Variants in VEPH1 observed in about 807,000 individuals in gnomAD.
The protein encoded by VEPH1 is ventricular zone expressed PH domain containing 1, also known as ventricular zone-expressed PH domain-containing protein homolog 1.
VEPH1 carries 80 observed loss-of-function variants against 85.2 expected under a neutral mutation model. The observed-to-expected ratio is 0.94, with a 90% CI of 0.78 to 1.13. The LOEUF is 1.13. VEPH1 is among the 50% of genes most tolerant of loss of function. The pLI, the probability that VEPH1 is intolerant of heterozygous loss-of-function variation, is 0.00. For synonymous variants in VEPH1, 297 were observed against 348.0 expected (o/e 0.85, Z 1.63); for missense variants, 955 against 980.5 (o/e 0.97, Z 0.35).
At chr3:157,466,876 A>G (rs1468447770) in intron 3 of VEPH1, among the ~76,000 whole-genome samples, 1 of 152,242 alleles carries the variant, frequency 6.6e-6, no homozygotes, top group Non-Finnish European at 1.5e-5. Context: ...AAACAAATTC[A>G]CAAGTGCATG....
chr3:157,340,832 G>A (rs926639558), intron 9 of VEPH1, among the ~76,000 whole-genome samples: 1 of 152,234 alleles, frequency 6.6e-6, no homozygotes, highest in African/African-American at 2.4e-5. Flanking sequence ...GAAGCTTCCA[G>A]AGGAACATTC....
intron 2 of VEPH1, among the ~76,000 whole-genome samples, chr3:157,471,677 C>T (rs1052027881): frequency 5.3e-5 from 8 of 150,668 alleles, no homozygotes; most frequent in Non-Finnish European, 7.4e-5. Context: ...GAACTACCCA[C>T]GGTACCTTAT....
chr3:157,409,365 A>T (rs1731367028), intron 6 of VEPH1, among the ~76,000 whole-genome samples: 1 of 152,156 alleles, frequency 6.6e-6, no homozygotes, highest in African/African-American at 2.4e-5. Context: ...GGCATTATAA[A>T]GAACTGGATA....
chr3:157,309,330 TCAGA>T, intron 11 of VEPH1, among the ~76,000 whole-genome samples: 1 of 152,190 alleles, frequency 6.6e-6, no homozygotes, highest in Non-Finnish European at 1.5e-5. Context: ...TCTTTTGTTA[TCAGA>T]CAAATATTTA....
intron 7 of VEPH1, among the ~76,000 whole-genome samples, chr3:157,369,179 T>TAAAAAAAAAAAAA (rs1560000948): frequency 2.0e-4 from 3 of 15,054 alleles, no homozygotes; most frequent in African/African-American, 2.6e-4. Flanking sequence ...AAAAACCAAA[T>TAAAAAAAAAAAAA]GAAAAAAAAA....
chr3:157,372,751 T>G (rs1407236546), intron 7 of VEPH1, among the ~76,000 whole-genome samples: 1 of 152,174 alleles, frequency 6.6e-6, no homozygotes, highest in Non-Finnish European at 1.5e-5. Context: ...ACCAATATTT[T>G]TGTAAAAATA....
intron 11 of VEPH1, among the ~76,000 whole-genome samples, chr3:157,295,204 A>G (rs1482037780): frequency 6.6e-6 from 1 of 152,192 alleles, no homozygotes; most frequent in Non-Finnish European, 1.5e-5. Flanking sequence ...ATTTGTTGCT[A>G]AGTAAATAAT....
At chr3:157,489,223 G>T (rs1470461278) in intron 2 of VEPH1, 4 of 455,708 alleles carry the variant, frequency 8.8e-6, no homozygotes, top group Non-Finnish European at 1.3e-5. Context: ...CTCTCCAGTG[G>T]CTGCCCAAGA....
chr3:157,312,347 T>C (rs1001636795), intron 11 of VEPH1, among the ~76,000 whole-genome samples: 2 of 152,166 alleles, frequency 1.3e-5, no homozygotes, highest in African/African-American at 2.4e-5. Context: ...TAATAACCAT[T>C]CTTTTCTCTC....
At chr3:157,457,637 G>A (rs1292664758) in intron 4 of VEPH1, among the ~76,000 whole-genome samples, 3 of 151,620 alleles carry the variant, frequency 2.0e-5, no homozygotes, top group Non-Finnish European at 4.4e-5. Flanking sequence ...TATTGGATTT[G>A]TCTTTAGTTG....
chr3:157,287,529 A>G (rs1716931949), intron 11 of VEPH1, among the ~76,000 whole-genome samples: 2 of 152,038 alleles, frequency 1.3e-5, no homozygotes, highest in Admixed American at 6.6e-5. Context: ...GCATTCTATT[A>G]CATAATATAA....
intron 4 of VEPH1, among the ~76,000 whole-genome samples, chr3:157,458,386 G>T (rs753497005): frequency 6.6e-6 from 1 of 152,026 alleles, no homozygotes; most frequent in Non-Finnish European, 1.5e-5. Context: ...GTTTCCTCTT[G>T]GTTCTCTAGT....
Position 157,407,404 on chromosome 3 carries a change from G to T in VEPH1, c.906+6477C>A, listed in dbSNP as rs528805832. Among the ~76,000 whole-genome samples the T allele has an allele frequency of 2.6e-4, 39 of 152,196 alleles. No individual in the cohort carries two copies. In the South Asian group the frequency reaches 7.2e-3, roughly 28 times the overall value. ...AAATTATGAAGGTTTACAAAATGAG[G>T]TTTATTATTTTTGTTATCCTTATTT... On this transcript the variant is annotated intron_variant, in intron 6 of 13. Transcript: ENST00000362010.
At chr3:157,492,342 G>A (rs761665375) in intron 2 of VEPH1, among the ~76,000 whole-genome samples, 41 of 152,152 alleles carry the variant, frequency 2.7e-4, no homozygotes, top group Admixed American at 7.9e-4. Context: ...TCAGTACATC[G>A]TGTTTTAATC....
chr3:157,484,676 G>A (rs1463845891), intron 2 of VEPH1, among the ~76,000 whole-genome samples: 2 of 152,074 alleles, frequency 1.3e-5, no homozygotes, highest in African/African-American at 2.4e-5. Flanking sequence ...ATGTAAGATG[G>A]GCATTAAAGT....
intron 2 of VEPH1, among the ~76,000 whole-genome samples, chr3:157,473,298 C>A (rs1360276886): frequency 1.3e-5 from 2 of 151,536 alleles, no homozygotes. Flanking sequence ...GGTCTCAATC[C>A]CCTGACCTCG....
chr3:157,332,932 A>T (rs1288741801), intron 9 of VEPH1, among the ~76,000 whole-genome samples: 6 of 152,188 alleles, frequency 3.9e-5, no homozygotes, highest in Non-Finnish European at 2.9e-5. Context: ...TCACTTTTCC[A>T]GTCACCTGAT....
chr3:157,498,774 A>G (rs1180749882), intron 1 of VEPH1, among the ~76,000 whole-genome samples: 1 of 152,160 alleles, frequency 6.6e-6, no homozygotes, highest in Admixed American at 6.5e-5. Context: ...TTCTTTTTGC[A>G]ATAGCAGGGA....
intron 11 of VEPH1, among the ~76,000 whole-genome samples, chr3:157,297,419 G>A (rs1718267346): frequency 6.6e-6 from 1 of 152,172 alleles, no homozygotes; most frequent in South Asian, 2.1e-4. Flanking sequence ...ATAATGACAT[G>A]TGCATGCTTG....
Sources: gnomAD v4.1 joint callset for allele counts (sites outside exome capture counted in the v4.1 genomes callset) on GRCh38, gnomAD v4.1.1 for gene constraint, MANE v1.5 for transcripts, NCBI Gene and HGNC (gene_info 2026-07-23, HGNC 2026-07-21) for gene names.